The following OR9A4 variants were observed in gnomAD, a reference collection of about 807,000 sequenced individuals.
OR9A4 encodes olfactory receptor family 9 subfamily A member 4, also known as olfactory receptor 9A4.
OR9A4 carries 16 observed loss-of-function variants against 17.1 expected under a neutral mutation model. The observed-to-expected ratio is 0.94, with a 90% confidence interval of 0.64 to 1.43. The LOEUF is 1.43. OR9A4 is among the 40% of genes most tolerant of loss of function. The probability of loss-of-function intolerance (pLI) is 0.00; values close to 1 mark genes in which losing one functional copy is unlikely to be tolerated. For missense variants in OR9A4, 392 were observed against 382.1 expected, an observed-to-expected ratio of 1.03 and a Z score of -0.22; for synonymous variants, 167 against 143.3, an observed-to-expected ratio of 1.17 and a Z score of -1.18.
chr7:141,919,382 C>A lies in OR9A4; in HGVS notation c.507C>A (p.Cys169Ter), dbSNP rs1554439091. The A allele has an allele frequency of 5.0e-6, 8 of 1,614,146 alleles. No homozygotes were observed. The highest frequency in any genetic ancestry group is 6.8e-6 in the Non-Finnish European group (8 of 1,180,028). ...ATGTCATGTTTCAGCTTACTTACTG[C>A]AAATCAAATGTGGTGAACAATTTTT... ...PVYVMFQLTY[C>*]KSNVVNNFFC... Residue 169 changes from cysteine to a stop codon, truncating the protein, a stop_gained, in exon 2 of 2, where the codon TGC becomes TGA. Coordinates refer to ENST00000641559, the MANE Select transcript of OR9A4 (RefSeq NM_001001656.3). LOFTEE classifies it high-confidence loss of function.
At chr7:141,917,404 G>T (rs1802202975) in intron 1 of OR9A4, among the ~76,000 whole-genome samples, 1 of 152,136 alleles carries the variant, frequency 6.6e-6, no homozygotes, top group Admixed American at 6.6e-5. Context: ...ACATTCTAAG[G>T]AGTTCAGAGT....
In OR9A4 at chr7:141,919,906, A is replaced by C; in HGVS notation, c.*86A>C. ...AAGAACTTGCTCATCTTTGAACTGC[A>C]TCATAATTATTGCCATTATCAAATG... On this transcript the variant is annotated 3_prime_UTR_variant, in exon 2 of 2. Coordinates refer to ENST00000641559, the MANE Select transcript of OR9A4 (RefSeq NM_001001656.3). The C allele has an allele frequency of 9.8e-7, 1 of 1,020,514 alleles. No homozygotes were observed. Among genetic ancestry groups the C allele is most frequent in the Non-Finnish European group, 1.4e-6 (1 of 698,338 alleles). The allele number at this position is 1,020,514 out of a possible 1,614,324, so 63.2% of individuals were successfully genotyped here.
Position 141,919,140 on chromosome 7 carries a change from A to G in OR9A4, c.265A>G (p.Met89Val), listed in dbSNP as rs1325578412. The G allele has an allele frequency of 1.2e-6, 2 of 1,614,016 alleles. No individual in the cohort carries two copies. The highest frequency in any genetic ancestry group is 1.7e-6 in the Non-Finnish European group (2 of 1,180,040). The change falls in exon 2 of 2, where the codon ATG becomes GTG. Residue 89 changes from methionine (M) to valine (V), a missense_variant. Met to Val is a conservative substitution (Grantham distance 21). Coordinates refer to ENST00000641559, the MANE Select transcript of OR9A4 (RefSeq NM_001001656.3). The stretch of plus-strand genomic sequence containing the variant: ...GCTTTGGGGATTGCTGCTCCCTGGG[A>G]TGCAGACAATATATTTGTCTGCCTG... ...VMLWGLLLPG[M>V]QTIYLSACVV...
rs1487124335 is a variant in OR9A4 at position 141,919,518 on chromosome 7, A to AT, written c.645dup (p.Val216CysfsTer54). The AT allele has an allele frequency of 6.2e-7, 1 of 1,614,006 alleles. No individual in the cohort carries two copies. Among genetic ancestry groups the AT allele is most frequent in the Non-Finnish European group, 8.5e-7 (1 of 1,179,994 alleles). ...TCTCTTTGGTTCTTTGATCCCTACA[A>AT]TTGTCTCCAACGCCTACATCATCTC... On this transcript the variant is annotated frameshift_variant, in exon 2 of 2. Transcript: ENST00000641559. LOFTEE classifies it high-confidence loss of function.
chr7:141,918,884 G>A lies in OR9A4; in HGVS notation c.9G>A (p.Met3Ile). ...CAAGGGCTTAGAACTAAATGTTGAT[G>A]AATTACTCTAGTGCCACTGAATTTT... ML[M>I]NYSSATEFYL... The change falls in exon 2 of 2, where the codon ATG becomes ATA. Residue 3 changes from methionine (M) to isoleucine (I), a missense_variant. By Grantham distance (10) the Met-to-Ile change is conservative. Coordinates refer to ENST00000641559, the MANE Select transcript of OR9A4 (RefSeq NM_001001656.3). The A allele has an allele frequency of 6.2e-7, 1 of 1,603,482 alleles. No individual in the cohort carries two copies. Among genetic ancestry groups the A allele is most frequent in the East Asian group, 2.2e-5 (1 of 44,826 alleles).
At chr7:141,918,415 T>G (rs1346597676) in intron 1 of OR9A4, among the ~76,000 whole-genome samples, 1 of 152,192 alleles carries the variant, frequency 6.6e-6, no homozygotes, top group Admixed American at 6.5e-5. Flanking sequence ...AGGAATACTT[T>G]CTTATAATTG....
rs782172749 is a variant in OR9A4, at chr7:141,919,721, T to C, written c.846T>C (p.Thr282=). Residue 282 remains threonine (T), a synonymous_variant, in exon 2 of 2, where the codon ACT becomes ACC. Coordinates refer to ENST00000641559, the MANE Select transcript of OR9A4 (RefSeq NM_001001656.3). ...WVVSLMVSVV[T]PFLNPFIFTL... ...TTTCCCTGATGGTTTCAGTAGTAAC[T>C]CCTTTCCTCAATCCTTTCATCTTCA... 7 of 1,614,038 alleles carry C rather than the reference T, an allele frequency of 4.3e-6. No homozygotes were observed. The highest frequency in any genetic ancestry group is 5.9e-6 in the Non-Finnish European group (7 of 1,180,042).
In OR9A4 at chr7:141,919,348, G is replaced by A. The variant is rs781997058; in HGVS notation, c.473G>A (p.Trp158Ter). 8 of 1,614,076 alleles carry A rather than the reference G, an allele frequency of 5.0e-6. No individual in the cohort carries two copies. In the Admixed American group the frequency reaches 8.3e-5, roughly 17 times the overall value. The change falls in exon 2 of 2, where the codon TGG becomes TAG. Residue 158 changes from tryptophan to a stop codon, truncating the protein, a stop_gained. Coordinates refer to ENST00000641559, the MANE Select transcript of OR9A4 (RefSeq NM_001001656.3). LOFTEE classifies it high-confidence loss of function. ...SWVFGFLFQI[W>*]PVYVMFQLTY... ...GTGTTTGGGTTTCTTTTTCAAATCT[G>A]GCCGGTCTATGTCATGTTTCAGCTT...
At position 141,918,976 on chromosome 7, in the gene OR9A4, A is replaced by G. The variant is rs1554439013; in HGVS notation, c.101A>G (p.Tyr34Cys). 1.9e-6 allele frequency: 3 copies of G among 1,613,892 alleles called. No homozygotes were observed. Among genetic ancestry groups the G allele is most frequent in the Non-Finnish European group, 2.5e-6 (3 of 1,179,998 alleles). The change falls in exon 2 of 2, where the codon TAC (tyrosine) becomes TGC (cysteine). Residue 34 changes from tyrosine to cysteine, a missense_variant. Tyr to Cys is a radical substitution (Grantham distance 194). Coordinates refer to ENST00000641559, the MANE Select transcript of OR9A4 (RefSeq NM_001001656.3). The part of the protein sequence containing the change: ...HILFAIFFFF[Y>C]LVTLMGNTVI... ...CTTTTTGCTATATTCTTCTTTTTCTACTTGGTGACATTAATGGGAAACACA... is the reference window on the plus strand; with the variant it reads ...CTTTTTGCTATATTCTTCTTTTTCTGCTTGGTGACATTAATGGGAAACACA...
rs1162987685 is a variant in OR9A4 at position 141,919,263 on chromosome 7, C to A, written c.388C>A (p.Leu130Met). The A allele has an allele frequency of 6.2e-7, 1 of 1,614,136 alleles. No homozygotes were observed. Among genetic ancestry groups the A allele is most frequent in the Admixed American group, 1.7e-5 (1 of 60,006 alleles). Reference protein sequence around the residue: ...VDRYVAVCNPLRYNIIMNRHT... With the variant: ...VDRYVAVCNPMRYNIIMNRHT... ...CCGTTATGTGGCTGTCTGTAACCCT[C>A]TGAGGTACAACATCATTATGAACAG... is the stretch of plus-strand genomic sequence containing the variant. The change falls in exon 2 of 2, where the codon CTG becomes ATG. Residue 130 changes from leucine (L) to methionine (M), a missense_variant. Physicochemically the swap from Leu to Met is conservative, Grantham distance 15 (BLOSUM62 2). Coordinates refer to ENST00000641559, the MANE Select transcript of OR9A4 (RefSeq NM_001001656.3).
In OR9A4 at chr7:141,916,490, A is replaced by G. The variant is rs782659803; in HGVS notation, c.-177A>G. On this transcript the variant is annotated 5_prime_UTR_variant, in exon 1 of 2. An upstream start codon of the reference 5' UTR is lost. Coordinates refer to ENST00000641559, the MANE Select transcript of OR9A4 (RefSeq NM_001001656.3). The stretch of plus-strand genomic sequence containing the variant: ...TCTGGACTTTTGCATAAGCTTCTGT[A>G]TGAGGACAGTATCCTTCACTCTGAA... 4 of 152,388 alleles carry G rather than the reference A, an allele frequency of 2.6e-5. No individual in the cohort carries two copies. Among genetic ancestry groups the G allele is most frequent in the Non-Finnish European group, 4.4e-5 (3 of 68,068 alleles). The allele number at this position is 152,388 out of a possible 1,614,324, so 9.4% of individuals were successfully genotyped here.
At chr7:141,918,675 A>G in intron 1 of OR9A4, 171 bp from the exon 2 acceptor site, 1 of 525,282 alleles carries the variant, frequency 1.9e-6, no homozygotes, top group Non-Finnish European at 3.3e-6. Flanking sequence ...GAACATATAC[A>G]TTTATCTTCA....
rs1452996753 is a variant in OR9A4 at position 141,920,381 on chromosome 7, G to C, written c.*561G>C. The C allele has an allele frequency of 6.6e-6, 1 of 152,284 alleles. No individual in the cohort carries two copies. The highest frequency in any genetic ancestry group is 2.4e-5 in the African/African-American group (1 of 41,430). 9.4% of individuals were successfully genotyped at this position (152,284 alleles called of 1,614,324 possible). On this transcript the variant is annotated 3_prime_UTR_variant, in exon 2 of 2. Transcript: ENST00000641559. ...AGAAAAGTGAAACAGGAATGAAAGG[G>C]AATATCTCTTGCAGGAGTGTTGAAA... is the stretch of plus-strand genomic sequence containing the variant.
At chr7:141,918,191 G>C (rs1802215703) in intron 1 of OR9A4, among the ~76,000 whole-genome samples, 1 of 152,160 alleles carries the variant, frequency 6.6e-6, no homozygotes, top group South Asian at 2.1e-4. Flanking sequence ...GAGTGCAGTG[G>C]TGCGATCTCA....
At position 141,920,056 on chromosome 7, in the gene OR9A4, C is replaced by G; in HGVS notation, c.*236C>G. The G allele has an allele frequency of 2.4e-6, 1 of 424,430 alleles. No homozygotes were observed. The highest frequency in any genetic ancestry group is 4.2e-6 in the Non-Finnish European group (1 of 238,378). The allele number at this position is 424,430 out of a possible 1,614,324, so 26.3% of individuals were successfully genotyped here. A position where few individuals can be genotyped will look rare whatever the true frequency, so the allele number is the denominator to read the frequency against. ...TATCTAGCTATCTATCTATCATCTG[C>G]CTTTCTTAAGATATGATGATTTCAC... On this transcript the variant is annotated 3_prime_UTR_variant, in exon 2 of 2. Transcript: ENST00000641559.
At position 141,920,127 on chromosome 7, in the gene OR9A4, A is replaced by G. The variant is rs1405042178; in HGVS notation, c.*307A>G. ...AATGTCAGAGATAGACTATCTATATAGTCTAGAAAATAGACTAGTGGTTGC... is the reference window on the plus strand; with the variant it reads ...AATGTCAGAGATAGACTATCTATATGGTCTAGAAAATAGACTAGTGGTTGC... On this transcript the variant is annotated 3_prime_UTR_variant, in exon 2 of 2. Transcript: ENST00000641559. The G allele has an allele frequency of 4.3e-6, 1 of 234,192 alleles. No individual in the cohort carries two copies. The highest frequency in any genetic ancestry group is 2.3e-5 in the African/African-American group (1 of 44,376). 14.5% of individuals were successfully genotyped at this position (234,192 alleles called of 1,614,324 possible).
In OR9A4 at chr7:141,918,826, C is replaced by T. The variant is rs782254895; in HGVS notation, c.-30-20C>T. On this transcript the variant is annotated intron_variant, in intron 1 of 1. Coordinates refer to ENST00000641559, the MANE Select transcript of OR9A4 (RefSeq NM_001001656.3). ...AATCTTTTTAGGATAAGCGGTTGTT[C>T]TCTCTCTTTTGCTCTCTAGATTTCA... 150 of 1,342,838 alleles carry T rather than the reference C, an allele frequency of 1.1e-4. No individual in the cohort carries two copies. The highest frequency in any genetic ancestry group is 1.4e-4 in the Non-Finnish European group (139 of 971,338). 83.2% of individuals were successfully genotyped at this position (1,342,838 alleles called of 1,614,324 possible). A position where few individuals can be genotyped will look rare whatever the true frequency, so the allele number is the denominator to read the frequency against.
chr7:141,919,519 T>C lies in OR9A4; in HGVS notation c.644T>C (p.Ile215Thr). 6.2e-7 allele frequency: 1 copy of C among 1,614,198 alleles called. No homozygotes were observed. The change falls in exon 2 of 2, where the codon ATT becomes ACT. Residue 215 changes from isoleucine to threonine, a missense_variant. Transcript: ENST00000641559. Reference sequence around the variant, plus strand: ...CTCTTTGGTTCTTTGATCCCTACAATTGTCTCCAACGCCTACATCATCTCC... The same window carrying C: ...CTCTTTGGTTCTTTGATCCCTACAACTGTCTCCAACGCCTACATCATCTCC... ...FVLFGSLIPT[I>T]VSNAYIISTI...
chr7:141,918,189 T>G lies in OR9A4; in HGVS notation c.-30-657T>G, dbSNP rs1022746636. Among the ~76,000 whole-genome samples, 24 of 152,302 alleles carry G rather than the reference T, an allele frequency of 1.6e-4. 1 individual carries two copies. Among genetic ancestry groups the G allele is most frequent in the Admixed American group, 1.4e-3 (22 of 15,304 alleles). ...CTCTGTTGCCCAGGCTGGAGTGCAG[T>G]GGTGCGATCTCAGCTCAAGCAATTC... On this transcript the variant is annotated intron_variant, in intron 1 of 1. Transcript: ENST00000641559.
Sources: gnomAD v4.1 joint callset for allele counts (sites outside exome capture counted in the v4.1 genomes callset) on GRCh38, gnomAD v4.1.1 for gene constraint, MANE v1.5 for transcripts, NCBI Gene and HGNC (gene_info 2026-07-23, HGNC 2026-07-21) for gene names.